Variants in P4HB observed in about 807,000 individuals in gnomAD.
The protein encoded by P4HB is protein disulfide-isomerase.
In P4HB, 20 loss-of-function variants were observed where a neutral mutation model predicts 52.6. The observed-to-expected ratio is 0.38, with a 90% CI of 0.27 to 0.55. P4HB has a LOEUF of 0.55. Among genes scored for constraint, P4HB ranks in the 20% least tolerant of loss-of-function variants. P4HB has a pLI of 0.74. For missense variants in P4HB, 601 were observed against 669.2 expected, an observed-to-expected ratio of 0.90 and a Z score of 1.12; for synonymous variants, 296 against 277.9, an observed-to-expected ratio of 1.07 and a Z score of -0.65.
intron 4 of P4HB, among the ~76,000 whole-genome samples, chr17:81,853,656 C>T (rs772887948): frequency 1.3e-5 from 2 of 152,120 alleles, no homozygotes; most frequent in African/African-American, 2.4e-5. Flanking sequence ...AGAGGCTGCC[C>T]GTCTGACCGT....
intron 2 of P4HB, among the ~76,000 whole-genome samples, chr17:81,856,726 T>C (rs1343330044): frequency 1.3e-5 from 2 of 150,870 alleles, no homozygotes; most frequent in Admixed American, 6.6e-5. Context: ...CCTGGCTCAC[T>C]GCAACCTCCA....
intron 4 of P4HB, among the ~76,000 whole-genome samples, chr17:81,852,563 C>T (rs2038849276): frequency 6.6e-6 from 1 of 152,268 alleles, no homozygotes; most frequent in Admixed American, 6.5e-5. Context: ...CTGCAACGAC[C>T]ACGTTCGCCA....
chr17:81,859,445 C>T (rs905044487), intron 1 of P4HB, 58 bp from the exon 2 acceptor site: 3 of 1,438,198 alleles, frequency 2.1e-6, no homozygotes, highest in Admixed American at 1.7e-5. Context: ...AGCCTTGATC[C>T]CTCAGCAGTG....
chr17:81,845,861 C>T lies in P4HB; in HGVS notation c.1177+10G>A, dbSNP rs199695507. 1.2e-6 allele frequency: 2 copies of T among 1,614,026 alleles called. No homozygotes were observed. Among genetic ancestry groups the T allele is most frequent in the Non-Finnish European group, 1.7e-6 (2 of 1,180,014 alleles). The stretch of plus-strand genomic sequence containing the variant: ...GCACGGACCTGGGGAGCTGAAAGGG[C>T]AACACTTACAGAACTCCACAAAGAC... On this transcript the variant is annotated intron_variant, in intron 8 of 10. Coordinates refer to ENST00000331483, the MANE Select transcript of P4HB (RefSeq NM_000918.4).
At chr17:81,859,662 T>C in intron 1 of P4HB, 1 of 490,264 alleles carries the variant, frequency 2.0e-6, no homozygotes, top group Non-Finnish European at 3.7e-6. Context: ...CTTTCAATGG[T>C]TGCTGACTTC....
In P4HB at chr17:81,846,439, C is replaced by T. The variant is rs374995159; in HGVS notation, c.1046G>A (p.Gly349Asp). ...GGGACGCGCCTGCACCTTGATTTTGCCCTCCAGGAAGCGGTGGCAGAACTC... is the reference window on the plus strand; with the variant it reads ...GGGACGCGCCTGCACCTTGATTTTGTCCTCCAGGAAGCGGTGGCAGAACTC... ...ITEFCHRFLE[G>D]KIKPHLMSQE... The change falls in exon 7 of 11, where the codon GGC (glycine) becomes GAC (aspartate). Residue 349 changes from glycine to aspartate, a missense_variant. Physicochemically the swap from Gly to Asp is moderately conservative, Grantham distance 94. Coordinates refer to ENST00000331483, the MANE Select transcript of P4HB (RefSeq NM_000918.4). This position sits in a 1 kb window ranked among gnomAD's most constrained non-coding sequence, Gnocchi z 5.7. 6.2e-7 allele frequency: 1 copy of T among 1,613,352 alleles called. No homozygotes were observed. The highest frequency in any genetic ancestry group is 1.1e-5 in the South Asian group (1 of 91,088).
At chr17:81,851,080 G>A (rs776767748) in intron 4 of P4HB, among the ~76,000 whole-genome samples, 2 of 152,072 alleles carry the variant, frequency 1.3e-5, no homozygotes, top group South Asian at 4.1e-4. Context: ...ACAGGTGCCC[G>A]CCACCACGCC....
chr17:81,860,489 C>T lies in P4HB; in HGVS notation c.-18G>A. The T allele has an allele frequency of 2.4e-5, 30 of 1,253,988 alleles. No homozygotes were observed. Among genetic ancestry groups the T allele is most frequent in the Non-Finnish European group, 3.0e-5 (30 of 997,058 alleles). 77.7% of individuals were successfully genotyped at this position (1,253,988 alleles called of 1,614,324 possible). On this transcript the variant is annotated 5_prime_UTR_variant, in exon 1 of 11. Coordinates refer to ENST00000331483, the MANE Select transcript of P4HB (RefSeq NM_000918.4). The stretch of plus-strand genomic sequence containing the variant: ...CGCAGCATGTCGGACACGGATCAGG[C>T]GGGGCGCTTCGGTTGGCGCCGCCGG...
At chr17:81,850,695 C>T (rs2038817009) in intron 4 of P4HB, among the ~76,000 whole-genome samples, 1 of 152,148 alleles carries the variant, frequency 6.6e-6, no homozygotes, top group Non-Finnish European at 1.5e-5. Flanking sequence ...GTTGGTCAGG[C>T]TGGTCTCAAG....
intron 2 of P4HB, 164 bp downstream of exon 2, chr17:81,859,017 G>A: frequency 1.6e-6 from 1 of 623,916 alleles, no homozygotes; most frequent in South Asian, 1.9e-5. Context: ...CTCCTCACAA[G>A]ACCCTCAGGG....
chr17:81,854,123 G>A (rs1343824098), intron 4 of P4HB, among the ~76,000 whole-genome samples: 1 of 152,250 alleles, frequency 6.6e-6, no homozygotes, highest in African/African-American at 2.4e-5. Flanking sequence ...GGCATACGAA[G>A]TGTGGGTGCC....
At chr17:81,844,406 C>T (rs1598262417) in intron 10 of P4HB, among the ~76,000 whole-genome samples, 1 of 152,208 alleles carries the variant, frequency 6.6e-6, no homozygotes, top group Non-Finnish European at 1.5e-5. Context: ...CAGCTTGGCA[C>T]CATGGAGTCT....
Position 81,846,928 on chromosome 17 carries a change from A to T in P4HB, c.855+19T>A. Reference sequence around the variant, plus strand: ...GCTCCCTGGCACCGCCCCACGAGCCACCCAGAAGAGCAGCTCACCTTGCCC... The same window carrying T: ...GCTCCCTGGCACCGCCCCACGAGCCTCCCAGAAGAGCAGCTCACCTTGCCC... On this transcript the variant is annotated intron_variant, in intron 6 of 10. Transcript: ENST00000331483. This position sits in a 1 kb window ranked among gnomAD's most constrained non-coding sequence, Gnocchi z 5.7. 1 of 1,613,202 alleles carries T rather than the reference A, an allele frequency of 6.2e-7. No individual in the cohort carries two copies. Among genetic ancestry groups the T allele is most frequent in the Non-Finnish European group, 8.5e-7 (1 of 1,179,926 alleles).
In P4HB at chr17:81,860,435, C is replaced by G; in HGVS notation, c.37G>C (p.Ala13Pro). The G allele has an allele frequency of 2.1e-6, 3 of 1,409,690 alleles. No individual in the cohort carries two copies. The highest frequency in any genetic ancestry group is 2.8e-6 in the Non-Finnish European group (3 of 1,077,580). The allele number at this position is 1,409,690 out of a possible 1,614,324, so 87.3% of individuals were successfully genotyped here. A position where few individuals can be genotyped will look rare whatever the true frequency, so the allele number is the denominator to read the frequency against. Residue 13 changes from alanine (A) to proline (P), a missense_variant, in exon 1 of 11, where the codon GCC becomes CCC. Transcript: ENST00000331483. ...RRALLCLAVA[A>P]LVRADAPEEE... is the part of the protein sequence containing the mutation. ...TCGGGGGCGTCGGCGCGCACCAGGGCGGCCACGGCCAGGCACAGCAGAGCG... is the reference window on the plus strand; with the variant it reads ...TCGGGGGCGTCGGCGCGCACCAGGGGGGCCACGGCCAGGCACAGCAGAGCG...
intron 9 of P4HB, 161 bp downstream of exon 9, chr17:81,845,400 A>T: frequency 1.2e-6 from 1 of 836,842 alleles, no homozygotes; most frequent in Non-Finnish European, 1.9e-6. Flanking sequence ...GTGAGATCCC[A>T]TCTCTCTCGA....
intron 10 of P4HB, 88 bp downstream of exon 10, chr17:81,845,056 C>G (rs192230761): frequency 1.0e-5 from 11 of 1,102,216 alleles, no homozygotes; most frequent in Middle Eastern, 2.0e-4. Context: ...GGCACCATTC[C>G]CATCACAAGC....
intron 4 of P4HB, among the ~76,000 whole-genome samples, chr17:81,854,102 T>G (rs2038877010): frequency 6.6e-6 from 1 of 152,164 alleles, no homozygotes; most frequent in South Asian, 2.1e-4. Context: ...ATAATGCCCT[T>G]GGGGCTGAGG....
At position 81,846,839 on chromosome 17, in the gene P4HB, C is replaced by G. The variant is rs143275407; in HGVS notation, c.855+108G>C. 35 of 1,409,068 alleles carry G rather than the reference C, an allele frequency of 2.5e-5. No homozygotes were observed. The South Asian group carries it at 4.2e-4, about 17-fold the overall frequency. The allele number at this position is 1,409,068 out of a possible 1,614,324, so 87.3% of individuals were successfully genotyped here. Reference sequence around the variant, plus strand: ...TCCAGGCTGTCCTGAATCAGGTGCCCGATCCAGTCCAGCAGGCAGCCTCAG... The same window carrying G: ...TCCAGGCTGTCCTGAATCAGGTGCCGGATCCAGTCCAGCAGGCAGCCTCAG... On this transcript the variant is annotated intron_variant, in intron 6 of 10. Coordinates refer to ENST00000331483, the MANE Select transcript of P4HB (RefSeq NM_000918.4). This position sits in a 1 kb window ranked among gnomAD's most constrained non-coding sequence, Gnocchi z 5.7.
Position 81,857,813 on chromosome 17 carries a change from C to G in P4HB, c.352+1368G>C, listed in dbSNP as rs1293351863. The stretch of plus-strand genomic sequence containing the variant: ...CTTTTTCCCTCCTAGAACTTGACTC[C>G]CTGGTCCGAATCGGGAAAACCCCAT... On this transcript the variant is annotated intron_variant, in intron 2 of 10. Coordinates refer to ENST00000331483, the MANE Select transcript of P4HB (RefSeq NM_000918.4). Among the ~76,000 whole-genome samples, 6 of 152,146 alleles carry G rather than the reference C, an allele frequency of 3.9e-5. No homozygotes were observed. The East Asian group carries it at 1.2e-3, about 29-fold the overall frequency.
Sources: gnomAD v4.1 joint callset for allele counts (sites outside exome capture counted in the v4.1 genomes callset) on GRCh38, gnomAD v4.1.1 for gene constraint, Gnocchi (gnomAD v3.1) non-coding constraint, MANE v1.5 for transcripts, NCBI Gene and HGNC (gene_info 2026-07-23, HGNC 2026-07-21) for gene names.